EHBP1: variants seen among roughly 807,000 people sequenced by gnomAD.
The protein encoded by EHBP1 is EH domain binding protein 1, also known as EH domain-binding protein 1.
In EHBP1, 55 loss-of-function variants were observed where a neutral mutation model predicts 144.0. The ratio of observed to expected loss-of-function variants is 0.38; its 90% CI spans 0.31 to 0.48. The LOEUF (loss-of-function observed/expected upper bound fraction) is 0.48, where lower values mean the gene tolerates loss of function less well. Ranked by LOEUF, EHBP1 falls within the 20% of genes least tolerant of loss-of-function variation. EHBP1 has a pLI of 0.98. For missense variants in EHBP1, 1,200 were observed against 1,364.2 expected (o/e 0.88, Z 1.90); for synonymous variants, 469 against 472.7 (o/e 0.99, Z 0.10).
intron 10 of EHBP1, among the ~76,000 whole-genome samples, chr2:62,883,141 T>C (rs2051616232): frequency 6.6e-6 from 1 of 152,146 alleles, no homozygotes; most frequent in Admixed American, 6.5e-5. Context: ...GTAGTGACAC[T>C]GCCAGGATTA....
chr2:62,923,384 A>G (rs886304183), intron 10 of EHBP1, among the ~76,000 whole-genome samples: 1 of 152,206 alleles, frequency 6.6e-6, no homozygotes, highest in Non-Finnish European at 1.5e-5. Context: ...GCCTCTGAAC[A>G]GCTGACATTC....
At chr2:63,033,888 CTA>C (rs930578479) in intron 19 of EHBP1, among the ~76,000 whole-genome samples, 7 of 152,094 alleles carry the variant, frequency 4.6e-5, no homozygotes, top group African/African-American at 1.4e-4. Flanking sequence ...TTTTTGTTAA[CTA>C]TGTGATAGGA....
At chr2:62,954,722 A>G (rs2057590521) in intron 13 of EHBP1, among the ~76,000 whole-genome samples, 2 of 152,170 alleles carry the variant, frequency 1.3e-5, no homozygotes, top group African/African-American at 4.8e-5. Flanking sequence ...GATACTTATG[A>G]TTGAACCAAA....
rs1197842790 is a variant in EHBP1 at position 62,675,929 on chromosome 2, A to AT, written c.-296+1852dup. ...CACCATGGCCCACAAGTTTTTTTTT[A>AT]TTTTTTGGTAGAGAAGGGGTTTCAC... On this transcript the variant is annotated intron_variant, in intron 1 of 22. Coordinates refer to the EHBP1 transcript ENST00000405015. Among the ~76,000 whole-genome samples, 5 of 150,276 alleles carry AT rather than the reference A, an allele frequency of 3.3e-5. No homozygotes were observed. The Admixed American group carries it at 3.4e-4, about 10-fold the overall frequency.
intron 15 of EHBP1, among the ~76,000 whole-genome samples, chr2:62,983,552 A>G (rs551568015): frequency 9.9e-5 from 15 of 152,068 alleles, no homozygotes; most frequent in Admixed American, 6.6e-4. Context: ...GCCTCTGTTT[A>G]TTTTTTGAGA....
chr2:62,862,608 A>G (rs1007329753), intron 8 of EHBP1, among the ~76,000 whole-genome samples: 2 of 152,042 alleles, frequency 1.3e-5, no homozygotes, highest in African/African-American at 4.8e-5. Flanking sequence ...ACAAGAGCGA[A>G]ACTCCATCTC....
chr2:62,773,156 G>A (rs974668393), intron 5 of EHBP1, among the ~76,000 whole-genome samples: 3 of 152,106 alleles, frequency 2.0e-5, no homozygotes, highest in African/African-American at 7.2e-5. Flanking sequence ...AAACCGAAAC[G>A]AGACAAACAA....
At chr2:62,971,144 G>C (rs2058478378) in intron 14 of EHBP1, among the ~76,000 whole-genome samples, 1 of 152,096 alleles carries the variant, frequency 6.6e-6, no homozygotes, top group African/African-American at 2.4e-5. Flanking sequence ...CTGTGAAAGG[G>C]CTAAATATTA....
chr2:62,684,482 C>T (rs752606202), intron 1 of EHBP1, among the ~76,000 whole-genome samples: 3 of 152,134 alleles, frequency 2.0e-5, no homozygotes, highest in Admixed American at 1.3e-4. Flanking sequence ...GTGGGAAAAA[C>T]AAGGGTAAAA....
chr2:62,767,431 G>T (rs541813174), intron 4 of EHBP1, among the ~76,000 whole-genome samples: 1 of 151,946 alleles, frequency 6.6e-6, no homozygotes, highest in Non-Finnish European at 1.5e-5. Context: ...GGCACAGTGG[G>T]TCATGTCTGT....
chr2:62,923,991 C>T (rs975669015), intron 10 of EHBP1, among the ~76,000 whole-genome samples: 3 of 152,136 alleles, frequency 2.0e-5, no homozygotes, highest in Non-Finnish European at 4.4e-5. Context: ...CCTCATGGGT[C>T]CCTACCCAGT....
intron 2 of EHBP1, among the ~76,000 whole-genome samples, chr2:62,731,105 A>G (rs1464124362): frequency 2.0e-5 from 3 of 151,598 alleles, no homozygotes; most frequent in South Asian, 4.2e-4. Context: ...TTTTTTTCCC[A>G]TAGATCTTGT....
intron 19 of EHBP1, among the ~76,000 whole-genome samples, chr2:63,030,569 GC>G (rs2061198430): frequency 4.0e-5 from 6 of 150,472 alleles, no homozygotes; most frequent in African/African-American, 1.5e-4. Flanking sequence ...CCCACTGCAA[GC>G]TCCACCTCCC....
chr2:62,783,232 C>T (rs189229460), intron 5 of EHBP1, among the ~76,000 whole-genome samples: 3 of 152,214 alleles, frequency 2.0e-5, no homozygotes, highest in Admixed American at 1.3e-4. Context: ...GTACAGCCCC[C>T]CTCCTGGCTG....
At chr2:62,926,746 T>C (rs1258709910) in intron 10 of EHBP1, among the ~76,000 whole-genome samples, 1 of 152,086 alleles carries the variant, frequency 6.6e-6, no homozygotes, top group African/African-American at 2.4e-5. Context: ...TTGGTGGGAA[T>C]GCAAGCCACT....
intron 1 of EHBP1, among the ~76,000 whole-genome samples, chr2:62,675,120 T>G (rs927692432): frequency 1.3e-5 from 2 of 152,206 alleles, no homozygotes; most frequent in Non-Finnish European, 2.9e-5. Context: ...TTTCTGGTGC[T>G]GAAGAAATGA....
At chr2:62,811,040 T>C (rs1381988981) in intron 5 of EHBP1, among the ~76,000 whole-genome samples, 2 of 152,234 alleles carry the variant, frequency 1.3e-5, no homozygotes, top group African/African-American at 2.4e-5. Flanking sequence ...AGTTTCCTTC[T>C]AAGAAGGTTG....
intron 7 of EHBP1, among the ~76,000 whole-genome samples, chr2:62,839,662 A>G (rs1286666049): frequency 6.6e-6 from 1 of 151,602 alleles, no homozygotes; most frequent in Non-Finnish European, 1.5e-5. Context: ...TACAAAATCA[A>G]TGTACAAAAA....
At chr2:62,748,968 GTT>G (rs1037769331) in intron 3 of EHBP1, among the ~76,000 whole-genome samples, 1 of 151,934 alleles carries the variant, frequency 6.6e-6, no homozygotes, top group Non-Finnish European at 1.5e-5. Flanking sequence ...GATACAGACT[GTT>G]TTAATCACTT....
Sources: allele counts gnomAD v4.1 joint callset (sites outside exome capture counted in the v4.1 genomes callset), GRCh38; gene constraint gnomAD v4.1.1; transcripts MANE v1.5; gene names NCBI Gene and HGNC (gene_info 2026-07-23, HGNC 2026-07-21).